The following LRRC28 variants were observed in gnomAD, a reference collection of about 807,000 sequenced individuals.
LRRC28 encodes leucine rich repeat containing 28.
In LRRC28, 39 loss-of-function variants were observed where a neutral mutation model predicts 45.7. The observed-to-expected ratio is 0.85, with a 90% CI of 0.66 to 1.12. The LOEUF (loss-of-function observed/expected upper bound fraction) is 1.12, where lower values mean the gene tolerates loss of function less well. Among genes scored for constraint, LRRC28 ranks in the 50% most tolerant of loss-of-function variants. LRRC28 has a pLI of 0.00. For missense variants in LRRC28, 435 were observed against 438.5 expected (o/e 0.99, Z 0.07); for synonymous variants, 206 against 178.8 (o/e 1.15, Z -1.22).
chr15:99,345,145 G>A (rs886444305), intron 6 of LRRC28, among the ~76,000 whole-genome samples: 16 of 151,864 alleles, frequency 1.1e-4, no homozygotes, highest in Admixed American at 9.2e-4. Flanking sequence ...TACAGATGAG[G>A]AAACTAAGCC....
intron 9 of LRRC28, among the ~76,000 whole-genome samples, chr15:99,369,618 C>T (rs535077226): frequency 1.3e-5 from 2 of 152,256 alleles, no homozygotes; most frequent in Admixed American, 1.3e-4. Context: ...TGAGGCCCAC[C>T]CACACTATGG....
intron 5 of LRRC28, among the ~76,000 whole-genome samples, chr15:99,310,925 G>T (rs1955383733): frequency 6.6e-6 from 1 of 152,078 alleles, no homozygotes. Context: ...GTATTTGCAG[G>T]CCTTTTTGAC....
rs548781239 is a variant in LRRC28, at chr15:99,363,058, G to A, written c.872-48G>A. 13 of 1,567,756 alleles carry A rather than the reference G, an allele frequency of 8.3e-6. No individual in the cohort carries two copies. In the Admixed American group the frequency reaches 1.5e-4, roughly 18 times the overall value. On this transcript the variant is annotated intron_variant, in intron 8 of 9. Coordinates refer to ENST00000301981, the MANE Select transcript of LRRC28 (RefSeq NM_144598.5). ...AATATTTTAAGAAGCGTAGTTTAAGGAAGTCTGATTTTTTTACTCGTGTGC... is the reference window on the plus strand; with the variant it reads ...AATATTTTAAGAAGCGTAGTTTAAGAAAGTCTGATTTTTTTACTCGTGTGC...
chr15:99,379,346 C>T (rs1957745543), intron 9 of LRRC28, among the ~76,000 whole-genome samples: 1 of 152,164 alleles, frequency 6.6e-6, no homozygotes, highest in African/African-American at 2.4e-5. Flanking sequence ...TTATAGTATT[C>T]TCTGATGGTA....
intron 2 of LRRC28, among the ~76,000 whole-genome samples, chr15:99,260,967 A>C (rs1407332366): frequency 6.6e-6 from 1 of 152,010 alleles, no homozygotes; most frequent in Non-Finnish European, 1.5e-5. Context: ...TGTGTGTTAA[A>C]TGCCTTCTCT....
At chr15:99,359,090 A>G (rs539094151) in intron 7 of LRRC28, among the ~76,000 whole-genome samples, 1 of 152,076 alleles carries the variant, frequency 6.6e-6, no homozygotes, top group East Asian at 1.9e-4. Context: ...AAAAAAATCT[A>G]CATGTAAAAA....
intron 6 of LRRC28, among the ~76,000 whole-genome samples, chr15:99,345,217 C>T (rs990977010): frequency 6.6e-6 from 1 of 151,800 alleles, no homozygotes; most frequent in Non-Finnish European, 1.5e-5. Context: ...GACTGTGCTC[C>T]TGCTCTCTTA....
intron 5 of LRRC28, among the ~76,000 whole-genome samples, chr15:99,288,779 A>G (rs1382343015): frequency 6.6e-6 from 1 of 152,032 alleles, no homozygotes; most frequent in Non-Finnish European, 1.5e-5. Context: ...TCCCGGGTTC[A>G]AGTGATTCCC....
At chr15:99,299,237 T>A (rs1008924312) in intron 5 of LRRC28, among the ~76,000 whole-genome samples, 4 of 152,232 alleles carry the variant, frequency 2.6e-5, no homozygotes, top group African/African-American at 9.6e-5. Flanking sequence ...CATTTTCATC[T>A]GTAATTATTT....
chr15:99,321,235 G>A (rs998498792), intron 5 of LRRC28, among the ~76,000 whole-genome samples: 7 of 152,086 alleles, frequency 4.6e-5, no homozygotes, highest in African/African-American at 1.7e-4. Context: ...ACATATCATT[G>A]GATTGGTTTT....
chr15:99,355,582 T>G (rs542873847), intron 7 of LRRC28: 7 of 152,246 alleles, frequency 4.6e-5, no homozygotes, highest in Non-Finnish European at 1.0e-4. Flanking sequence ...ATTACAGGAG[T>G]AAATGTCCTC....
chr15:99,336,481 T>C (rs1956324946), intron 6 of LRRC28, among the ~76,000 whole-genome samples: 1 of 152,236 alleles, frequency 6.6e-6, no homozygotes, highest in South Asian at 2.1e-4. Context: ...GAGCATCTTT[T>C]AGTTGTTGTG....
chr15:99,280,964 TTTC>T (rs1463338141), intron 3 of LRRC28, among the ~76,000 whole-genome samples: 1 of 152,166 alleles, frequency 6.6e-6, no homozygotes, highest in African/African-American at 2.4e-5. Context: ...TCAGTAATAT[TTTC>T]TTCTTCAGTG....
At chr15:99,347,039 AATTT>A (rs931974503) in intron 6 of LRRC28, among the ~76,000 whole-genome samples, 13 of 152,200 alleles carry the variant, frequency 8.5e-5, no homozygotes, top group African/African-American at 2.9e-4. Flanking sequence ...AGCAGCTAAA[AATTT>A]ATTTAACAAA....
chr15:99,340,184 T>C (rs1453005258), intron 6 of LRRC28, among the ~76,000 whole-genome samples: 2 of 152,178 alleles, frequency 1.3e-5, no homozygotes, highest in South Asian at 4.1e-4. Context: ...CACTCCAGTT[T>C]TTTGTAGTGG....
chr15:99,382,456 C>T (rs140292802), intron 9 of LRRC28, among the ~76,000 whole-genome samples: 238 of 152,264 alleles, frequency 1.6e-3, no homozygotes, highest in African/African-American at 4.7e-3. Flanking sequence ...ATCTTGGAAC[C>T]GCCGAAAATT....
intron 6 of LRRC28, among the ~76,000 whole-genome samples, chr15:99,334,784 A>C (rs538548779): frequency 6.6e-6 from 1 of 152,346 alleles, no homozygotes; most frequent in South Asian, 2.1e-4. Context: ...TGCCATTTAA[A>C]AAAATTAAAA....
At chr15:99,280,851 T>A (rs1481834920) in intron 3 of LRRC28, among the ~76,000 whole-genome samples, 3 of 152,202 alleles carry the variant, frequency 2.0e-5, no homozygotes, top group African/African-American at 7.2e-5. Flanking sequence ...TTTGTTAGAC[T>A]GTTTAATACT....
chr15:99,275,155 C>T (rs1034446810), intron 2 of LRRC28, among the ~76,000 whole-genome samples: 2 of 152,156 alleles, frequency 1.3e-5, no homozygotes, highest in African/African-American at 4.8e-5. Flanking sequence ...TGTGTGTGTG[C>T]GTATGCAGAC....
Sources: allele counts gnomAD v4.1 joint callset (sites outside exome capture counted in the v4.1 genomes callset), GRCh38; gene constraint gnomAD v4.1.1; transcripts MANE v1.5; gene names NCBI Gene and HGNC (gene_info 2026-07-23, HGNC 2026-07-21).